Variants in CFAP221 observed in about 807,000 individuals in gnomAD.
CFAP221 encodes cilia and flagella associated protein 221.
A neutral mutation model predicts 113.1 loss-of-function variants in CFAP221; 97 were observed. That is an observed-to-expected ratio of 0.86 (90% CI 0.73 to 1.02). CFAP221 has a LOEUF of 1.02. Ranked by LOEUF, CFAP221 falls within the 50% of genes least tolerant of loss-of-function variation. The pLI is 0.00. For synonymous variants in CFAP221, 331 were observed against 354.4 expected (o/e 0.93, Z 0.74); for missense variants, 1,025 against 1,013.4 (o/e 1.01, Z -0.16).
chr2:119,575,326 G>C (rs1198052214), intron 6 of CFAP221, among the ~76,000 whole-genome samples: 4 of 152,072 alleles, frequency 2.6e-5, no homozygotes, highest in African/African-American at 9.7e-5. Flanking sequence ...TCGGGCCCCA[G>C]CCACAGGCCC....
chr2:119,549,855 T>A (rs1291262356), intron 3 of CFAP221, among the ~76,000 whole-genome samples: 2 of 152,220 alleles, frequency 1.3e-5, no homozygotes, highest in Non-Finnish European at 2.9e-5. Context: ...CCAAAGCCTA[T>A]AGCAACTGCT....
At chr2:119,638,712 C>A (rs2104785863) in intron 20 of CFAP221, among the ~76,000 whole-genome samples, 1 of 152,274 alleles carries the variant, frequency 6.6e-6, no homozygotes, top group South Asian at 2.1e-4. Flanking sequence ...TAAAAACAGC[C>A]ACACGGTATG....
intron 6 of CFAP221, among the ~76,000 whole-genome samples, chr2:119,576,661 G>C (rs1362844315): frequency 1.3e-5 from 2 of 152,116 alleles, no homozygotes; most frequent in African/African-American, 4.8e-5. Flanking sequence ...CCGTACTTCT[G>C]GTCTGAGGCT....
chr2:119,572,614 T>C (rs1206268342), intron 6 of CFAP221: 1 of 696,566 alleles, frequency 1.4e-6, no homozygotes. Flanking sequence ...GACCAGTTGC[T>C]CTCCCATCAA....
chr2:119,625,879 A>T (rs1304593523), intron 15 of CFAP221, 191 bp downstream of exon 15: 2 of 576,902 alleles, frequency 3.5e-6, no homozygotes, highest in Non-Finnish European at 6.2e-6. Context: ...TAGGTTAGTC[A>T]TCATTTATAC....
At chr2:119,590,458 C>T (rs1447642307) in intron 7 of CFAP221, among the ~76,000 whole-genome samples, 1 of 152,154 alleles carries the variant, frequency 6.6e-6, no homozygotes, top group African/African-American at 2.4e-5. Context: ...GGACACCAAG[C>T]GCACTGTACC....
At chr2:119,642,977 G>A (rs973818751) in intron 21 of CFAP221, among the ~76,000 whole-genome samples, 1 of 151,922 alleles carries the variant, frequency 6.6e-6, no homozygotes, top group East Asian at 1.9e-4. Flanking sequence ...TGTAAATAGG[G>A]ATAGGGTCTT....
At chr2:119,548,075 C>T (rs944646988) in intron 2 of CFAP221, among the ~76,000 whole-genome samples, 7 of 152,070 alleles carry the variant, frequency 4.6e-5, no homozygotes, top group Non-Finnish European at 1.0e-4. Flanking sequence ...GTGATCCTTG[C>T]ACCTCAGCCT....
At chr2:119,550,062 C>T (rs1047888367) in intron 3 of CFAP221, among the ~76,000 whole-genome samples, 3 of 152,148 alleles carry the variant, frequency 2.0e-5, no homozygotes, top group South Asian at 2.1e-4. Context: ...TACTCCAGTT[C>T]GGCCCTAGAT....
At chr2:119,558,805 CAGAA>C (rs1356137956) in intron 3 of CFAP221, among the ~76,000 whole-genome samples, 1 of 152,080 alleles carries the variant, frequency 6.6e-6, no homozygotes, top group Non-Finnish European at 1.5e-5. Flanking sequence ...CCGAGCAACA[CAGAA>C]AGACCCTGTC....
intron 6 of CFAP221, among the ~76,000 whole-genome samples, chr2:119,569,658 T>C (rs1344648637): frequency 2.0e-5 from 3 of 152,182 alleles, no homozygotes; most frequent in African/African-American, 7.2e-5. Context: ...CCCACAGTTT[T>C]TGGATATTCT....
At position 119,638,251 on chromosome 2, in the gene CFAP221, T is replaced by G; in HGVS notation, c.1975-8T>G. ...CAGAAAAGAATATTTTTTCCCTGTC[T>G]TCGGCAGAATCCCAACCCAGGATTA... On this transcript the variant is annotated splice_polypyrimidine_tract_variant and splice_region_variant and intron_variant, in intron 19 of 23. Transcript: ENST00000413369. The G allele has an allele frequency of 6.2e-7, 1 of 1,614,000 alleles. No individual in the cohort carries two copies. Among genetic ancestry groups the G allele is most frequent in the South Asian group, 1.1e-5 (1 of 91,064 alleles).
chr2:119,635,417 G>A (rs1359896950), intron 19 of CFAP221, among the ~76,000 whole-genome samples: 1 of 152,122 alleles, frequency 6.6e-6, no homozygotes, highest in Non-Finnish European at 1.5e-5. Flanking sequence ...AGACAAAAAA[G>A]ATTACATGCT....
At chr2:119,658,619 GCACACACACA>G (rs370284869), downstream of CFAP221, among the ~76,000 whole-genome samples, 43 of 147,660 alleles carry the variant, frequency 2.9e-4, no homozygotes, top group African/African-American at 9.3e-4. Flanking sequence ...CCCTCAACAC[GCACACACACA>G]CACACACACA....
chr2:119,601,194 A>G, intron 7 of CFAP221, 24 bp from the exon 8 acceptor site: 4 of 1,501,590 alleles, frequency 2.7e-6, no homozygotes, highest in Non-Finnish European at 3.6e-6. Context: ...AGGGTATCAC[A>G]TTTTCTCATT....
chr2:119,626,467 G>T (rs1686313075), intron 15 of CFAP221, among the ~76,000 whole-genome samples: 2 of 152,060 alleles, frequency 1.3e-5, no homozygotes, highest in South Asian at 4.2e-4. Flanking sequence ...GTGAAGTTTG[G>T]CTGTGACTAG....
At position 119,560,014 on chromosome 2, in the gene CFAP221, TG is replaced by T. The variant is rs1378232649; in HGVS notation, c.415del (p.Val139PhefsTer19). 5 of 1,530,904 alleles carry T rather than the reference TG, an allele frequency of 3.3e-6. No homozygotes were observed. In the African/African-American group the frequency reaches 4.1e-5, roughly 13 times the overall value. The allele number at this position is 1,530,904 out of a possible 1,614,324, so 94.8% of individuals were successfully genotyped here. Reference sequence around the variant, plus strand: ...GGCGATACTATTATGACTGCATCCGTGTTCACTGTAAGGTAGGTCTCTTAAA... The same window carrying T: ...GGCGATACTATTATGACTGCATCCGTTTCACTGTAAGGTAGGTCTCTTAAA... The part of the protein sequence containing the change: ...EWRYYYDCIR[V>X]HCKGDDTLLV... On this transcript the variant is annotated frameshift_variant, in exon 5 of 24. Transcript: ENST00000413369. LOFTEE classifies it high-confidence loss of function.
At chr2:119,554,251 C>G (rs971870621) in intron 3 of CFAP221, among the ~76,000 whole-genome samples, 1 of 152,162 alleles carries the variant, frequency 6.6e-6, no homozygotes, top group African/African-American at 2.4e-5. Flanking sequence ...ATAAATTGTT[C>G]ATTAACATTT....
At chr2:119,556,613 G>A (rs1277463903) in intron 3 of CFAP221, among the ~76,000 whole-genome samples, 1 of 150,778 alleles carries the variant, frequency 6.6e-6, no homozygotes, top group African/African-American at 2.4e-5. Context: ...GAGTGCAATG[G>A]CGCGATCTCA....
Sources: allele counts gnomAD v4.1 joint callset (sites outside exome capture counted in the v4.1 genomes callset), GRCh38; gene constraint gnomAD v4.1.1; transcripts MANE v1.5; gene names NCBI Gene and HGNC (gene_info 2026-07-23, HGNC 2026-07-21).